Variants in MPHOSPH9 observed in about 807,000 individuals in gnomAD.
MPHOSPH9 encodes M-phase phosphoprotein 9.
A neutral mutation model predicts 145.5 loss-of-function variants in MPHOSPH9; 88 were observed. The observed-to-expected ratio is 0.60, with a 90% CI of 0.51 to 0.72. The LOEUF is 0.72. Ranked by LOEUF, MPHOSPH9 falls within the 30% of genes least tolerant of loss-of-function variation. The probability of loss-of-function intolerance (pLI) is 0.00; values close to 1 mark genes in which losing one functional copy is unlikely to be tolerated. For missense variants in MPHOSPH9, 1,238 were observed against 1,386.6 expected (o/e 0.89, Z 1.70); for synonymous variants, 435 against 486.2 (o/e 0.89, Z 1.39).
At chr12:123,227,431 TA>T in intron 3 of MPHOSPH9, 31 bp downstream of exon 3, 1 of 1,408,366 alleles carries the variant, frequency 7.1e-7, no homozygotes, top group Non-Finnish European at 9.3e-7. Flanking sequence ...ATAATTATTT[TA>T]AAATTCCAAA....
Position 123,163,002 on chromosome 12 carries a change from T to G in MPHOSPH9, c.3029+12A>C. On this transcript the variant is annotated intron_variant, in intron 20 of 23. Transcript: ENST00000606320. ...TATAGTAAACTTTATTCTACAATTT[T>G]AGAGAACTTACCGAATTGGACTGCT... 1 of 1,537,314 alleles carries G rather than the reference T, an allele frequency of 6.5e-7. No individual in the cohort carries two copies. Among genetic ancestry groups the G allele is most frequent in the South Asian group, 1.3e-5 (1 of 78,180 alleles).
chr12:123,156,877 T>G lies in MPHOSPH9; in HGVS notation c.3482A>C (p.Asn1161Thr). 4 of 1,610,194 alleles carry G rather than the reference T, an allele frequency of 2.5e-6. No individual in the cohort carries two copies. The highest frequency in any genetic ancestry group is 3.4e-6 in the Non-Finnish European group (4 of 1,177,034). Residue 1161 changes from asparagine to threonine, a missense_variant, in exon 24 of 24, where the codon AAT becomes ACT. Coordinates refer to ENST00000606320, the MANE Select transcript of MPHOSPH9 (RefSeq NM_022782.4). ...CATGCGAACTGAACCCAGTTCTCGA[T>G]TAATCCTTTCCAAACGATCTTCCAA... is the stretch of plus-strand genomic sequence containing the variant. ...EALEDRLERI[N>T]RELGSVRMTL...
chr12:123,199,997 G>A (rs1282328942), intron 11 of MPHOSPH9, among the ~76,000 whole-genome samples: 1 of 151,638 alleles, frequency 6.6e-6, no homozygotes, highest in African/African-American at 2.4e-5. Context: ...GACTATTCTT[G>A]AAAAAAAATC....
At chr12:123,230,192 A>G in intron 2 of MPHOSPH9, 69 bp downstream of exon 2, 2 of 798,410 alleles carry the variant, frequency 2.5e-6, no homozygotes, top group Non-Finnish European at 3.9e-6. Flanking sequence ...CACTATTTGG[A>G]TAAGTTGATA....
chr12:123,225,316 C>T (rs972976392), intron 3 of MPHOSPH9, among the ~76,000 whole-genome samples: 1 of 149,352 alleles, frequency 6.7e-6, no homozygotes, highest in East Asian at 2.1e-4. Flanking sequence ...TGGTGGTGTG[C>T]ACCTGTAGTC....
chr12:123,229,484 A>G (rs1399523436), intron 2 of MPHOSPH9, among the ~76,000 whole-genome samples: 1 of 152,264 alleles, frequency 6.6e-6, no homozygotes, highest in Non-Finnish European at 1.5e-5. Context: ...GATAACATCT[A>G]TTTAGTCCAC....
At chr12:123,179,759 G>A (rs1341876139) in intron 15 of MPHOSPH9, among the ~76,000 whole-genome samples, 167 bp downstream of exon 15, 1 of 147,324 alleles carries the variant, frequency 6.8e-6, no homozygotes, top group Non-Finnish European at 1.5e-5. Flanking sequence ...AAGAAATCTT[G>A]TTTGGCTAAA....
chr12:123,216,504 A>G (rs908460623), intron 6 of MPHOSPH9, among the ~76,000 whole-genome samples: 5 of 152,138 alleles, frequency 3.3e-5, no homozygotes, highest in African/African-American at 1.2e-4. Flanking sequence ...GTGTTATACT[A>G]AACAATGCTA....
chr12:123,177,462 G>A (rs1169085766), intron 15 of MPHOSPH9, among the ~76,000 whole-genome samples: 1 of 152,110 alleles, frequency 6.6e-6, no homozygotes, highest in Non-Finnish European at 1.5e-5. Context: ...CTTGAACCCG[G>A]GAGGCGGAGG....
Position 123,201,610 on chromosome 12 carries a change from G to A in MPHOSPH9, c.1937+554C>T, listed in dbSNP as rs368832528. Among the ~76,000 whole-genome samples, 6 of 151,950 alleles carry A rather than the reference G, an allele frequency of 3.9e-5. No homozygotes were observed. The East Asian group carries it at 5.8e-4, about 15-fold the overall frequency. On this transcript the variant is annotated intron_variant, in intron 11 of 23. Coordinates refer to ENST00000606320, the MANE Select transcript of MPHOSPH9 (RefSeq NM_022782.4). ...GCCCAGGCTGGTCTTGAACTCCTGA[G>A]CTCAAGAGATCTGCCTGCCACAGCC...
At chr12:123,176,878 A>C in intron 15 of MPHOSPH9, 89 bp from the exon 16 acceptor site, 1 of 1,002,686 alleles carries the variant, frequency 1.0e-6, no homozygotes, top group Non-Finnish European at 1.5e-6. Flanking sequence ...GACCCTCCTA[A>C]AAAATGGGTG....
At chr12:123,210,847 C>A (rs1445957908) in intron 7 of MPHOSPH9, among the ~76,000 whole-genome samples, 1 of 151,816 alleles carries the variant, frequency 6.6e-6, no homozygotes, top group Non-Finnish European at 1.5e-5. Flanking sequence ...AGATGGAATG[C>A]AGTGGAGTGA....
chr12:123,221,827 T>C lies in MPHOSPH9; in HGVS notation c.417A>G (p.Glu139=). 1.2e-6 allele frequency: 2 copies of C among 1,613,372 alleles called. No individual in the cohort carries two copies. Among genetic ancestry groups the C allele is most frequent in the Non-Finnish European group, 8.5e-7 (1 of 1,179,866 alleles). The change falls in exon 5 of 24, where the codon GAA becomes GAG. Residue 139 remains glutamate, a synonymous_variant. Transcript: ENST00000606320. The stretch of plus-strand genomic sequence containing the variant: ...ATACTTGTTTGTTTGAAGAATTTCC[T>C]TCACAGGAAGCTAAGGAAGCACTAC... ...QTSSASLASC[E]GNSSNKQVSS...
chr12:123,210,197 G>T, intron 7 of MPHOSPH9, 35 bp from the exon 8 acceptor site: 1 of 1,321,804 alleles, frequency 7.6e-7, no homozygotes, highest in Non-Finnish European at 1.0e-6. Flanking sequence ...AGAAAAGAGT[G>T]AGAAAAAAAC....
chr12:123,178,008 A>G (rs1020811890), intron 15 of MPHOSPH9, among the ~76,000 whole-genome samples: 11 of 152,198 alleles, frequency 7.2e-5, no homozygotes, highest in African/African-American at 2.7e-4. Flanking sequence ...TGGCCAACTG[A>G]CTATTTTAAA....
At chr12:123,207,587 C>T (rs2046491516) in intron 8 of MPHOSPH9, among the ~76,000 whole-genome samples, 1 of 152,150 alleles carries the variant, frequency 6.6e-6, no homozygotes, top group East Asian at 1.9e-4. Flanking sequence ...GGTGCACTAG[C>T]TCATGCCTGT....
chr12:123,203,333 T>A lies in MPHOSPH9; in HGVS notation c.1237A>T (p.Ile413Phe). 1 of 1,610,938 alleles carries A rather than the reference T, an allele frequency of 6.2e-7. No individual in the cohort carries two copies. ...TTTTCCCTTTGTTTTTTATAATAAA[T>A]ATCCTTCAGTGACGGTAGCTTCATC... ...NEMKLPSLKDIYYKKQRENKQ... is the reference protein window; with the variant it reads ...NEMKLPSLKDFYYKKQRENKQ... The change falls in exon 9 of 24, where the codon ATT (isoleucine) becomes TTT (phenylalanine). Residue 413 changes from isoleucine (I) to phenylalanine (F), a missense_variant. Physicochemically the swap from Ile to Phe is conservative, Grantham distance 21. Transcript: ENST00000606320.
chr12:123,169,074 T>C (rs377508013), intron 16 of MPHOSPH9, among the ~76,000 whole-genome samples: 14 of 151,756 alleles, frequency 9.2e-5, no homozygotes, highest in South Asian at 6.2e-4. Context: ...TTAGTAGGGA[T>C]GGGGTTTCAC....
At chr12:123,176,631 CTT>C in intron 16 of MPHOSPH9, 55 bp downstream of exon 16, 2 of 1,317,396 alleles carry the variant, frequency 1.5e-6, no homozygotes, top group Non-Finnish European at 2.2e-6. Flanking sequence ...AGTTTCTCGT[CTT>C]AATAAAAGCA....
Sources: gnomAD v4.1 joint callset for allele counts (sites outside exome capture counted in the v4.1 genomes callset) on GRCh38, gnomAD v4.1.1 for gene constraint, MANE v1.5 for transcripts, NCBI Gene and HGNC (gene_info 2026-07-23, HGNC 2026-07-21) for gene names.